STX1A: variants seen among roughly 807,000 people sequenced by gnomAD.
STX1A encodes syntaxin-1A.
A neutral mutation model predicts 37.8 loss-of-function variants in STX1A; 4 were observed. The observed-to-expected ratio is 0.11, with a 90% CI of 0.05 to 0.24. The LOEUF (loss-of-function observed/expected upper bound fraction) is 0.24. Among genes scored for constraint, STX1A ranks in the 10% least tolerant of loss-of-function variants. The pLI is 1.00. For synonymous variants in STX1A, 135 were observed against 147.4 expected, an observed-to-expected ratio of 0.92 and a Z score of 0.61; for missense variants, 251 against 399.9, an observed-to-expected ratio of 0.63 and a Z score of 3.18.
rs781980128 is a variant in STX1A at position 73,705,275 on chromosome 7, G to C, written c.209-51C>G. 1.3e-6 allele frequency: 2 copies of C among 1,494,084 alleles called. No individual in the cohort carries two copies. Among genetic ancestry groups the C allele is most frequent in the South Asian group, 1.1e-5 (1 of 88,666 alleles). 92.6% of individuals were successfully genotyped at this position (1,494,084 alleles called of 1,614,324 possible). On this transcript the variant is annotated intron_variant, in intron 3 of 9. Transcript: ENST00000222812. This position sits in a 1 kb window ranked among gnomAD's most constrained non-coding sequence, Gnocchi z 5.2. ...AGGCCTCCTAGGCTCCGCGGGGACT[G>C]ATGTGCAGGCTCAGCCTCCAGCCCA... is the stretch of plus-strand genomic sequence containing the variant.
Position 73,717,307 on chromosome 7 carries a change from C to A in STX1A, c.30+2295G>T, listed in dbSNP as rs1799322982. ...CCAGCCCAGCCCAGCCCGCCCCAGT[C>A]CAGCCCAGTCCAGCCCAGTCCAGCT... On this transcript the variant is annotated intron_variant, in intron 1 of 9. Transcript: ENST00000222812. This position sits in a 1 kb window ranked among gnomAD's most constrained non-coding sequence, Gnocchi z 4.1. Among the ~76,000 whole-genome samples, 1 of 152,028 alleles carries A rather than the reference C, an allele frequency of 6.6e-6. No homozygotes were observed. The highest frequency in any genetic ancestry group is 1.5e-5 in the Non-Finnish European group (1 of 67,978).
chr7:73,704,648 C>T (rs1333656554), intron 4 of STX1A: 2 of 599,710 alleles, frequency 3.3e-6, no homozygotes, highest in East Asian at 2.8e-5. Flanking sequence ...CCACTCCAAG[C>T]TCTGCGTGTG....
chr7:73,704,676 C>G (rs1798806538), intron 4 of STX1A: 2 of 573,042 alleles, frequency 3.5e-6, no homozygotes, highest in African/African-American at 3.7e-5. Flanking sequence ...TCTGGTAGCT[C>G]CGGCCACCCT....
chr7:73,703,510 C>A (rs1798744143), intron 7 of STX1A: 3 of 689,926 alleles, frequency 4.3e-6, no homozygotes, highest in Non-Finnish European at 7.9e-6. Flanking sequence ...GGAGGAGCCG[C>A]TGGCCGCCGG....
rs1554619288 is a variant in STX1A, at chr7:73,719,665, CGT to C, written c.-36_-35del. 1 of 1,170,290 alleles carries C rather than the reference CGT, an allele frequency of 8.5e-7. No individual in the cohort carries two copies. Among genetic ancestry groups the C allele is most frequent in the African/African-American group, 1.6e-5 (1 of 61,776 alleles). The allele number at this position is 1,170,290 out of a possible 1,614,324, so 72.5% of individuals were successfully genotyped here. A position where few individuals can be genotyped will look rare whatever the true frequency, so the allele number is the denominator to read the frequency against. The stretch of plus-strand genomic sequence containing the variant: ...GAGTGGCAGCGGCGCCGGCTGCAGC[CGT>C]GTGAGCCCCGCATGCGCGACGGCCG... On this transcript the variant is annotated 5_prime_UTR_variant, in exon 1 of 10. Transcript: ENST00000222812.
chr7:73,705,216 C>T lies in STX1A; in HGVS notation c.217G>A (p.Glu73Lys). The T allele has an allele frequency of 6.2e-7, 1 of 1,614,090 alleles. No individual in the cohort carries two copies. Among genetic ancestry groups the T allele is most frequent in the Non-Finnish European group, 8.5e-7 (1 of 1,179,972 alleles). Residue 73 changes from glutamate to lysine, a missense_variant, in exon 4 of 10, where the codon GAG (glutamate) becomes AAG (lysine). This residue lies in a region of STX1A where 214 missense variants were observed against 367.6 expected (regional missense o/e 0.58). Transcript: ENST00000222812. This position sits in a 1 kb window ranked among gnomAD's most constrained non-coding sequence, Gnocchi z 5.2. ...TCGGACATGAGTTCTTCCAGCTCCTCCTTCGTCTCTGGGGAGGTAGAAAGG... is the reference window on the plus strand; with the variant it reads ...TCGGACATGAGTTCTTCCAGCTCCTTCTTCGTCTCTGGGGAGGTAGAAAGG... Reference protein sequence around the residue: ...ASPNPDEKTKEELEELMSDIK... With the variant: ...ASPNPDEKTKKELEELMSDIK...
At position 73,704,184 on chromosome 7, in the gene STX1A, G is replaced by C. The variant is rs144263690; in HGVS notation, c.430C>G (p.Arg144Gly). ...YNATQSDYRE[R>G]CKGRIQRQLE... ...TGCCTCTGGATGCGGCCTTTGCAGC[G>C]CTCGCGGTAGTCGGACTGCGTGGCG... The change falls in exon 6 of 10, where the codon CGC becomes GGC. Residue 144 changes from arginine to glycine, a missense_variant. Arg to Gly is a moderately radical substitution (Grantham distance 125, BLOSUM62 -2). Coordinates refer to ENST00000222812, the MANE Select transcript of STX1A (RefSeq NM_004603.4). 8.4e-5 allele frequency: 136 copies of C among 1,612,516 alleles called. No homozygotes were observed. The highest frequency in any genetic ancestry group is 1.1e-4 in the Non-Finnish European group (129 of 1,179,884).
chr7:73,714,413 T>TTTTTTGAAACAGAATCTCGC (rs1554618412), intron 1 of STX1A, among the ~76,000 whole-genome samples: 1 of 152,054 alleles, frequency 6.6e-6, no homozygotes, highest in African/African-American at 2.4e-5. Flanking sequence ...CAGCTCTTTT[T>TTTTTTGAAACAGAATCTCGC]TTTTTGAAAC....
chr7:73,710,754 C>T (rs572704973), intron 1 of STX1A, among the ~76,000 whole-genome samples: 35 of 152,324 alleles, frequency 2.3e-4, no homozygotes, highest in Admixed American at 5.9e-4. Context: ...GAGTGCCTCA[C>T]GGGAGTGGCC....
intron 2 of STX1A, 63 bp downstream of exon 2, chr7:73,708,982 A>C (rs1336719545): frequency 6.3e-7 from 1 of 1,575,740 alleles, no homozygotes; most frequent in African/African-American, 1.3e-5. Context: ...CCTGGCTCAG[A>C]GGCGAGAGTG....
Position 73,700,992 on chromosome 7 carries a change from C to G in STX1A, c.679-152G>C, listed in dbSNP as rs1798632497. Reference sequence around the variant, plus strand: ...ACAGCTTCTCACCTGGGCCAGGTACCCTGGGTGGGGTGTAGAGGGCCAGGC... The same window carrying G: ...ACAGCTTCTCACCTGGGCCAGGTACGCTGGGTGGGGTGTAGAGGGCCAGGC... On this transcript the variant is annotated intron_variant, in intron 8 of 9. Transcript: ENST00000222812. The surrounding 1 kb of genome is among the most constrained non-coding windows in gnomAD (Gnocchi z 4.4). 3.4e-6 allele frequency: 5 copies of G among 1,467,566 alleles called. No homozygotes were observed. Among genetic ancestry groups the G allele is most frequent in the Non-Finnish European group, 3.6e-6 (4 of 1,100,490 alleles). The allele number at this position is 1,467,566 out of a possible 1,614,324, so 90.9% of individuals were successfully genotyped here.
rs550010183 is a variant in STX1A at position 73,709,703 on chromosome 7, C to G, written c.31-581G>C. Reference sequence around the variant, plus strand: ...AGCTGGAATTATAGGTTTCCACAACCATGCCTGGCTCCAGTGGTTTTAATT... The same window carrying G: ...AGCTGGAATTATAGGTTTCCACAACGATGCCTGGCTCCAGTGGTTTTAATT... On this transcript the variant is annotated intron_variant, in intron 1 of 9. Transcript: ENST00000222812. This position sits in a 1 kb window ranked among gnomAD's most constrained non-coding sequence, Gnocchi z 4.2. Among the ~76,000 whole-genome samples the G allele has an allele frequency of 1.3e-4, 20 of 151,682 alleles. No individual in the cohort carries two copies. Among genetic ancestry groups the G allele is most frequent in the African/African-American group, 4.4e-4 (18 of 41,326 alleles).
At chr7:73,711,159 A>G (rs1799087613) in intron 1 of STX1A, among the ~76,000 whole-genome samples, 1 of 150,174 alleles carries the variant, frequency 6.7e-6, no homozygotes, top group Non-Finnish European at 1.5e-5. Flanking sequence ...CACCACACCC[A>G]GCTACTTTTT....
chr7:73,701,729 C>T (rs1000468722), intron 8 of STX1A, among the ~76,000 whole-genome samples: 6 of 152,108 alleles, frequency 3.9e-5, no homozygotes, highest in Non-Finnish European at 7.4e-5. Context: ...CACCAGATGG[C>T]GGCAGCGGCA....
Position 73,702,601 on chromosome 7 carries a change from G to T in STX1A, c.678+244C>A. On this transcript the variant is annotated intron_variant, in intron 8 of 9. Coordinates refer to ENST00000222812, the MANE Select transcript of STX1A (RefSeq NM_004603.4). The surrounding 1 kb of genome is among the most constrained non-coding windows in gnomAD (Gnocchi z 4.7). ...AAACAGTAGTAGGGGAATGAGAGAC[G>T]GCGGGGTATAGAGGGTGGGGCCATG... 1.6e-6 allele frequency: 2 copies of T among 1,221,378 alleles called. No homozygotes were observed. Among genetic ancestry groups the T allele is most frequent in the Non-Finnish European group, 2.2e-6 (2 of 908,758 alleles). 75.7% of individuals were successfully genotyped at this position (1,221,378 alleles called of 1,614,324 possible).
intron 1 of STX1A, among the ~76,000 whole-genome samples, chr7:73,715,583 C>T (rs1215718573): frequency 1.3e-5 from 2 of 152,086 alleles, no homozygotes; most frequent in African/African-American, 4.8e-5. Flanking sequence ...GGTGGGGCAG[C>T]CCTGGTGGTC....
chr7:73,703,671 A>G, intron 7 of STX1A, 84 bp downstream of exon 7: 1 of 1,485,016 alleles, frequency 6.7e-7, no homozygotes, highest in Non-Finnish European at 9.3e-7. Context: ...GTGTCCAAAT[A>G]CTGTCCAGAC....
rs1386266288 is a variant in STX1A at position 73,702,475 on chromosome 7, C to T, written c.678+370G>A. On this transcript the variant is annotated intron_variant, in intron 8 of 9. Coordinates refer to ENST00000222812, the MANE Select transcript of STX1A (RefSeq NM_004603.4). The surrounding 1 kb of genome is among the most constrained non-coding windows in gnomAD (Gnocchi z 4.7). ...TTTGTTCTTAGGCAACTCTTTTGCC[C>T]AACAGCCATTCACTCCAGGAAGCAG... is the stretch of plus-strand genomic sequence containing the variant. 1 of 419,484 alleles carries T rather than the reference C, an allele frequency of 2.4e-6. No individual in the cohort carries two copies. Among genetic ancestry groups the T allele is most frequent in the Non-Finnish European group, 4.1e-6 (1 of 240,992 alleles). The allele number at this position is 419,484 out of a possible 1,614,324, so 26.0% of individuals were successfully genotyped here.
chr7:73,718,061 G>A (rs1554618998), intron 1 of STX1A, among the ~76,000 whole-genome samples: 1 of 152,106 alleles, frequency 6.6e-6, no homozygotes, highest in African/African-American at 2.4e-5. Context: ...TAACCTACCA[G>A]GCGCCTAAAC....
Sources: allele counts gnomAD v4.1 joint callset (sites outside exome capture counted in the v4.1 genomes callset), GRCh38; gene constraint gnomAD v4.1.1; regional missense constraint gnomAD v4.1.1; non-coding constraint Gnocchi (gnomAD v3.1); transcripts MANE v1.5; gene names NCBI Gene and HGNC (gene_info 2026-07-23, HGNC 2026-07-21).